Variants in SCMH1 observed in about 807,000 individuals in gnomAD.
SCMH1 encodes Scm polycomb group protein homolog 1.
A neutral mutation model predicts 70.8 loss-of-function variants in SCMH1; 37 were observed. The ratio of observed to expected loss-of-function variants is 0.52; its 90% CI spans 0.40 to 0.69. The LOEUF is 0.69. Among genes scored for constraint, SCMH1 ranks in the 30% least tolerant of loss-of-function variants. The pLI, the probability that SCMH1 is intolerant of heterozygous loss-of-function variation, is 0.00. For missense variants in SCMH1, 607 were observed against 827.3 expected, an observed-to-expected ratio of 0.73 and a Z score of 3.27; for synonymous variants, 292 against 307.4, an observed-to-expected ratio of 0.95 and a Z score of 0.52.
At chr1:41,104,992 G>A (rs180763166) in intron 8 of SCMH1, among the ~76,000 whole-genome samples, 2 of 151,122 alleles carry the variant, frequency 1.3e-5, no homozygotes, top group East Asian at 1.9e-4. Flanking sequence ...TTTCACTCTT[G>A]TTGCCCAGGC....
intron 12 of SCMH1, chr1:41,043,645 G>A (rs1489203453): frequency 1.3e-5 from 2 of 148,894 alleles, no homozygotes; most frequent in African/African-American, 4.9e-5. Flanking sequence ...ATGTTAGCCA[G>A]GATAGTCTTG....
At chr1:41,170,619 A>G (rs1646726770) in intron 2 of SCMH1, among the ~76,000 whole-genome samples, 1 of 152,148 alleles carries the variant, frequency 6.6e-6, no homozygotes, top group Non-Finnish European at 1.5e-5. Context: ...TTTCCTATCA[A>G]TGAAAACCTA....
chr1:41,201,799 A>T (rs577172084), intron 1 of SCMH1, among the ~76,000 whole-genome samples: 34 of 152,218 alleles, frequency 2.2e-4, no homozygotes, highest in East Asian at 9.7e-4. Context: ...GATTTTTTTA[A>T]AAAAAATTAA....
intron 8 of SCMH1, among the ~76,000 whole-genome samples, chr1:41,080,638 C>G (rs949813742): frequency 6.6e-6 from 1 of 152,056 alleles, no homozygotes; most frequent in Non-Finnish European, 1.5e-5. Context: ...ATCCGCTGAA[C>G]ACATACATTC....
chr1:41,226,829 T>C (rs1186699245), intron 1 of SCMH1, among the ~76,000 whole-genome samples: 1 of 152,210 alleles, frequency 6.6e-6, no homozygotes, highest in Non-Finnish European at 1.5e-5. Context: ...TTATTTTGAA[T>C]AGATTCTGGG....
chr1:41,197,477 G>C (rs529747990), intron 1 of SCMH1, among the ~76,000 whole-genome samples: 1 of 152,116 alleles, frequency 6.6e-6, no homozygotes, highest in East Asian at 1.9e-4. Context: ...CTTACAGGAC[G>C]AACCTATAAT....
chr1:41,194,137 C>A (rs1652424188), intron 1 of SCMH1, among the ~76,000 whole-genome samples: 1 of 152,146 alleles, frequency 6.6e-6, no homozygotes, highest in African/African-American at 2.4e-5. Context: ...CAGTACTCTA[C>A]ACATACTTTT....
At chr1:41,057,242 G>GTTT (rs902694010) in intron 10 of SCMH1, among the ~76,000 whole-genome samples, 1 of 151,676 alleles carries the variant, frequency 6.6e-6, no homozygotes, top group Non-Finnish European at 1.5e-5. Flanking sequence ...TATTTACCAT[G>GTTT]TTTTTTTTGT....
Position 41,211,810 on chromosome 1 carries a change from T to C in SCMH1, c.-117-25560A>G, listed in dbSNP as rs531487058. 1.9e-3 allele frequency among the ~76,000 whole-genome samples: 291 copies of C among 152,218 alleles called. 2 individuals carry two copies. The highest frequency in any genetic ancestry group is 6.7e-3 in the African/African-American group (280 of 41,504). On this transcript the variant is annotated intron_variant, in intron 1 of 14. Coordinates refer to ENST00000337495, the Ensembl canonical transcript of SCMH1. ...GACTGGATTAAGAAAATGTGGCCCA[T>C]ATACACCATGGAATACAATGCAGCC...
chr1:41,192,592 T>C (rs1651987789), intron 1 of SCMH1, among the ~76,000 whole-genome samples: 1 of 152,066 alleles, frequency 6.6e-6, no homozygotes, highest in Non-Finnish European at 1.5e-5. Context: ...CTGCTTCCTT[T>C]TCCTTCATCA....
At chr1:41,052,715 C>CA (rs926526597) in intron 10 of SCMH1, among the ~76,000 whole-genome samples, 3 of 152,028 alleles carry the variant, frequency 2.0e-5, no homozygotes, top group Non-Finnish European at 4.4e-5. Context: ...AAACCAGATA[C>CA]AAAAGAGTAC....
Position 41,098,444 on chromosome 1 carries a change from TACA to T in SCMH1, c.745+14836_745+14838del, listed in dbSNP as rs1665681463. ...TCTAATATGTAAATTCTTAACTCCT[TACA>T]ACAACCCTGTGAGTAGGTACTGTTA... On this transcript the variant is annotated intron_variant, in intron 8 of 14. Transcript: ENST00000337495. Among the ~76,000 whole-genome samples, 4 of 152,320 alleles carry T rather than the reference TACA, an allele frequency of 2.6e-5. No homozygotes were observed. In the South Asian group the frequency reaches 8.3e-4, roughly 32 times the overall value.
At chr1:41,228,180 T>C (rs1660626398) in intron 1 of SCMH1, among the ~76,000 whole-genome samples, 1 of 152,164 alleles carries the variant, frequency 6.6e-6, no homozygotes, top group Non-Finnish European at 1.5e-5. Flanking sequence ...TTGTTTGTAA[T>C]TAGCCGTCTC....
At chr1:41,092,441 A>G (rs1305162748) in intron 8 of SCMH1, among the ~76,000 whole-genome samples, 1 of 152,232 alleles carries the variant, frequency 6.6e-6, no homozygotes, top group Non-Finnish European at 1.5e-5. Context: ...CCTAGGCAAT[A>G]CCATTCAGGA....
intron 2 of SCMH1, among the ~76,000 whole-genome samples, chr1:41,164,519 TC>T: frequency 6.6e-6 from 1 of 152,150 alleles, no homozygotes; most frequent in Non-Finnish European, 1.5e-5. Context: ...AGAGACTTGA[TC>T]TTGTTTAGTG....
At chr1:41,194,410 A>T (rs970211987) in intron 1 of SCMH1, among the ~76,000 whole-genome samples, 6 of 152,244 alleles carry the variant, frequency 3.9e-5, no homozygotes, top group Non-Finnish European at 7.3e-5. Flanking sequence ...CTAAAAGCGA[A>T]AGATAGAAAA....
rs539532408 is a variant in SCMH1, at chr1:41,028,094, C to T, written c.*100G>A. 6.2e-5 allele frequency: 92 copies of T among 1,484,832 alleles called. No individual in the cohort carries two copies. The African/African-American group carries it at 7.2e-4, about 12-fold the overall frequency. 92.0% of individuals were successfully genotyped at this position (1,484,832 alleles called of 1,614,324 possible). On this transcript the variant is annotated 3_prime_UTR_variant, in exon 15 of 15. Transcript: ENST00000337495. ...AGCCTCTTGGAGTCCTGAGGTGGCC[C>T]GGAACCCCACTGAGGTGCCTGGGGT... is the stretch of plus-strand genomic sequence containing the variant.
At chr1:41,098,063 C>T (rs1665578632) in intron 8 of SCMH1, among the ~76,000 whole-genome samples, 1 of 152,128 alleles carries the variant, frequency 6.6e-6, no homozygotes, top group Admixed American at 6.6e-5. Context: ...GACACAAATC[C>T]CAATAAGTTC....
chr1:41,124,300 G>T (rs1272129083), intron 6 of SCMH1, among the ~76,000 whole-genome samples: 1 of 152,006 alleles, frequency 6.6e-6, no homozygotes, highest in Non-Finnish European at 1.5e-5. Flanking sequence ...CAAAATTGCA[G>T]TATTATCACA....
Sources: gnomAD v4.1 joint callset for allele counts (sites outside exome capture counted in the v4.1 genomes callset) on GRCh38, gnomAD v4.1.1 for gene constraint, MANE v1.5 for transcripts, NCBI Gene and HGNC (gene_info 2026-07-23, HGNC 2026-07-21) for gene names.